The following EXO1 variants were observed in gnomAD, a reference collection of about 807,000 sequenced individuals.
EXO1 encodes exonuclease 1.
A neutral mutation model predicts 84.5 loss-of-function variants in EXO1; 69 were observed. That is an observed-to-expected ratio of 0.82 (90% CI 0.67 to 1.00). EXO1 has a LOEUF of 1.00. Ranked by LOEUF, EXO1 falls within the 50% of genes least tolerant of loss-of-function variation. The probability of loss-of-function intolerance (pLI) is 0.00; values close to 1 mark genes in which losing one functional copy is unlikely to be tolerated. For synonymous variants in EXO1, 373 were observed against 366.1 expected, an observed-to-expected ratio of 1.02 and a Z score of -0.21; for missense variants, 1,045 against 1,000.7, an observed-to-expected ratio of 1.04 and a Z score of -0.60.
At chr1:241,882,778 C>T (rs1662849583) in intron 14 of EXO1, among the ~76,000 whole-genome samples, 1 of 152,012 alleles carries the variant, frequency 6.6e-6, no homozygotes, top group African/African-American at 2.4e-5. Flanking sequence ...AAAATAGTTT[C>T]TTGCCTCTTC....
intron 11 of EXO1, among the ~76,000 whole-genome samples, chr1:241,867,693 T>A (rs1330525541): frequency 6.6e-6 from 1 of 152,206 alleles, no homozygotes; most frequent in Non-Finnish European, 1.5e-5. Context: ...TTTCCCCATT[T>A]AATTGCCTTG....
At position 241,864,044 on chromosome 1, in the gene EXO1, G is replaced by A. The variant is rs186701161; in HGVS notation, c.1041+2542G>A. ...TTTTGAACGTTTTCTTCCGCTCTCT[G>A]TAACTGCTGTGTACCTTTTTCCTGT... On this transcript the variant is annotated intron_variant, in intron 10 of 15. Transcript: ENST00000366548. 1.4e-3 allele frequency among the ~76,000 whole-genome samples: 218 copies of A among 152,188 alleles called. 2 individuals carry two copies. Among genetic ancestry groups the A allele is most frequent in the African/African-American group, 4.7e-3 (195 of 41,508 alleles).
intron 6 of EXO1, among the ~76,000 whole-genome samples, chr1:241,856,087 G>A (rs966501569): frequency 6.6e-6 from 1 of 152,230 alleles, no homozygotes; most frequent in Non-Finnish European, 1.5e-5. Flanking sequence ...GGCAGAGGAG[G>A]CGCCGAGAGC....
chr1:241,874,922 AAGAG>A (rs1662306336), intron 12 of EXO1, among the ~76,000 whole-genome samples: 1 of 152,350 alleles, frequency 6.6e-6, no homozygotes, highest in South Asian at 2.1e-4. Context: ...GAGTAACACT[AAGAG>A]AGAAAAGTTA....
At chr1:241,873,084 T>C (rs1662204081) in intron 12 of EXO1, among the ~76,000 whole-genome samples, 1 of 152,050 alleles carries the variant, frequency 6.6e-6, no homozygotes, top group Admixed American at 6.6e-5. Context: ...GTGGGTTTTT[T>C]TTTTTATACT....
intron 10 of EXO1, among the ~76,000 whole-genome samples, chr1:241,864,617 A>T (rs1189511141): frequency 6.6e-6 from 1 of 152,178 alleles, no homozygotes; most frequent in African/African-American, 2.4e-5. Context: ...CCAAGACTTT[A>T]ATTCTTGAGC....
chr1:241,857,056 A>G (rs551005158), intron 6 of EXO1, among the ~76,000 whole-genome samples: 1 of 152,308 alleles, frequency 6.6e-6, no homozygotes, highest in South Asian at 2.1e-4. Context: ...AAAAAATAAA[A>G]TGATTACTTT....
chr1:241,884,676 T>TGTGCGC (rs1247623968), intron 14 of EXO1, among the ~76,000 whole-genome samples: 104 of 141,646 alleles, frequency 7.3e-4, no homozygotes, highest in African/African-American at 2.5e-3. Flanking sequence ...TGTGTGTGTG[T>TGTGCGC]GCACGTGCAC....
At chr1:241,848,106 A>G (rs1441157824), upstream of EXO1, 2 of 152,204 alleles carry the variant, frequency 1.3e-5, no homozygotes, top group Admixed American at 1.3e-4. The surrounding 1 kb of genome is among the most constrained non-coding windows in gnomAD (Gnocchi z 4.2). Flanking sequence ...CAACCCTATG[A>G]GTTGGAAGCC....
At chr1:241,853,236 C>T (rs1259992306) in intron 5 of EXO1, 122 bp from the exon 6 acceptor site, 2 of 1,012,048 alleles carry the variant, frequency 2.0e-6, no homozygotes, top group Admixed American at 3.6e-5. Context: ...CTGGTGTGTA[C>T]TTTCTAATGA....
intron 12 of EXO1, among the ~76,000 whole-genome samples, chr1:241,877,290 G>A (rs2148502895): frequency 6.6e-6 from 1 of 152,230 alleles, no homozygotes; most frequent in East Asian, 1.9e-4. Context: ...TCTGTTTGTT[G>A]CTAGCCAAGT....
chr1:241,868,231 C>T (rs1331221383), intron 11 of EXO1, among the ~76,000 whole-genome samples: 2 of 151,658 alleles, frequency 1.3e-5, no homozygotes, highest in African/African-American at 4.8e-5. Flanking sequence ...AAAAAATTAG[C>T]CAGGCATGGT....
At chr1:241,875,977 A>G (rs558233182) in intron 12 of EXO1, among the ~76,000 whole-genome samples, 131 of 152,314 alleles carry the variant, frequency 8.6e-4, no homozygotes, top group Non-Finnish European at 1.6e-3. Flanking sequence ...CGCTGGGGTG[A>G]GAGTAGAGTG....
chr1:241,860,976 A>G (rs984194504), intron 9 of EXO1, among the ~76,000 whole-genome samples: 1 of 152,232 alleles, frequency 6.6e-6, no homozygotes, highest in African/African-American at 2.4e-5. Flanking sequence ...TACGGTACAC[A>G]TTCCAAAGGT....
At chr1:241,857,555 C>A in intron 7 of EXO1, 73 bp downstream of exon 7, 2 of 905,888 alleles carry the variant, frequency 2.2e-6, no homozygotes, top group South Asian at 2.7e-5. Flanking sequence ...TGAAATTTTT[C>A]CTGTCCAGGA....
intron 12 of EXO1, among the ~76,000 whole-genome samples, chr1:241,875,198 TTC>T (rs1662322679): frequency 6.6e-6 from 1 of 152,102 alleles, no homozygotes; most frequent in Admixed American, 6.5e-5. Flanking sequence ...GAAATGGGGT[TTC>T]ACCATTTTGG....
intron 14 of EXO1, 102 bp downstream of exon 14, chr1:241,882,119 GTCTCATTTA>G: frequency 1.5e-6 from 1 of 654,454 alleles, no homozygotes; most frequent in South Asian, 1.8e-5. Context: ...AATACCTGTA[GTCTCATTTA>G]TATAAAAATG....
chr1:241,875,589 A>G (rs1490926096), intron 12 of EXO1, among the ~76,000 whole-genome samples: 1 of 152,096 alleles, frequency 6.6e-6, no homozygotes, highest in African/African-American at 2.4e-5. Context: ...GATAATATAC[A>G]CTGATTGGGC....
chr1:241,870,254 C>G (rs1662014581), intron 11 of EXO1, among the ~76,000 whole-genome samples: 1 of 152,148 alleles, frequency 6.6e-6, no homozygotes, highest in South Asian at 2.1e-4. Context: ...TAGGTTTTGT[C>G]CCCTTTCTAT....
Sources: gnomAD v4.1 joint callset for allele counts (sites outside exome capture counted in the v4.1 genomes callset) on GRCh38, gnomAD v4.1.1 for gene constraint, Gnocchi (gnomAD v3.1) non-coding constraint, MANE v1.5 for transcripts, NCBI Gene and HGNC (gene_info 2026-07-23, HGNC 2026-07-21) for gene names.